PTPN12: variants seen among roughly 807,000 people sequenced by gnomAD.
PTPN12 encodes tyrosine-protein phosphatase non-receptor type 12.
In PTPN12, 29 loss-of-function variants were observed where a neutral mutation model predicts 97.6. The ratio of observed to expected loss-of-function variants is 0.30; its 90% CI spans 0.22 to 0.41. PTPN12 has a LOEUF of 0.41. PTPN12 is among the 10% of genes least tolerant of loss of function. PTPN12 has a pLI of 1.00. For synonymous variants in PTPN12, 327 were observed against 300.4 expected, an observed-to-expected ratio of 1.09 and a Z score of -0.91; for missense variants, 819 against 926.0, an observed-to-expected ratio of 0.88 and a Z score of 1.50.
chr7:77,537,722 G>T, intron 1 of PTPN12, 77 bp downstream of exon 1: 1 of 1,471,698 alleles, frequency 6.8e-7, no homozygotes, highest in Non-Finnish European at 9.1e-7. Context: ...CGGGCCGCCA[G>T]TGCTTTGTGT....
intron 12 of PTPN12, among the ~76,000 whole-genome samples, chr7:77,625,166 T>C (rs1295246591): frequency 6.6e-6 from 1 of 151,158 alleles, no homozygotes; most frequent in Non-Finnish European, 1.5e-5. Context: ...AACTTAAATA[T>C]ACAAGCCCTC....
intron 8 of PTPN12, chr7:77,604,819 C>G (rs1007182736): frequency 2.6e-6 from 1 of 383,764 alleles, no homozygotes; most frequent in Non-Finnish European, 5.3e-6. Context: ...TTTTATCCAC[C>G]TGGATTTTTT....
chr7:77,573,097 C>CAAAA lies in PTPN12; in HGVS notation c.208+1915_208+1918dup, dbSNP rs1383453267. On this transcript the variant is annotated intron_variant, in intron 2 of 17. Coordinates refer to ENST00000248594, the MANE Select transcript of PTPN12 (RefSeq NM_002835.4). ...GACTCTATCTCAAAAAAAAAAAAAA[C>CAAAA]AAAAAAACAAAAAAAACCAGTGTAC... Among the ~76,000 whole-genome samples, 32 of 48,516 alleles carry CAAAA rather than the reference C, an allele frequency of 6.6e-4. 3 individuals are homozygous for CAAAA. The East Asian group carries it at 8.1e-3, about 12-fold the overall frequency. 31.8% of individuals were successfully genotyped at this position (48,516 alleles called of 152,430 possible).
intron 9 of PTPN12, among the ~76,000 whole-genome samples, chr7:77,609,367 G>C (rs1322279652): frequency 6.7e-6 from 1 of 148,830 alleles, no homozygotes; most frequent in Admixed American, 6.7e-5. Context: ...TGACTCTCAG[G>C]TTCAAGCGAT....
At chr7:77,613,230 A>G (rs1314916109) in intron 11 of PTPN12, among the ~76,000 whole-genome samples, 1 of 120,134 alleles carries the variant, frequency 8.3e-6, no homozygotes, top group Non-Finnish European at 1.6e-5. Flanking sequence ...AATGGAGTGC[A>G]GTAGCACAGT....
intron 12 of PTPN12, among the ~76,000 whole-genome samples, chr7:77,623,823 A>G (rs772579400): frequency 6.6e-6 from 1 of 152,248 alleles, no homozygotes; most frequent in Non-Finnish European, 1.5e-5. Flanking sequence ...TCATCCTTTT[A>G]AAACTCATAT....
At chr7:77,589,037 C>G (rs1188814201) in intron 5 of PTPN12, among the ~76,000 whole-genome samples, 1 of 151,900 alleles carries the variant, frequency 6.6e-6, no homozygotes, top group Non-Finnish European at 1.5e-5. Flanking sequence ...CATGGCTCAG[C>G]TCATTTTTGT....
intron 14 of PTPN12, among the ~76,000 whole-genome samples, chr7:77,635,536 T>C (rs17382687): frequency 0.018 from 2,796 of 152,338 alleles, 34 homozygotes; most frequent in Middle Eastern, 0.071. Context: ...CTATAGACTG[T>C]AATACACTGA....
intron 8 of PTPN12, among the ~76,000 whole-genome samples, chr7:77,603,938 G>A (rs2151365455): frequency 7.2e-6 from 1 of 139,366 alleles, no homozygotes; most frequent in Non-Finnish European, 1.5e-5. Context: ...GCCCGGGCTG[G>A]AGTGCAATGG....
chr7:77,593,130 A>G (rs1787917453), intron 6 of PTPN12, among the ~76,000 whole-genome samples: 1 of 152,096 alleles, frequency 6.6e-6, no homozygotes, highest in Admixed American at 6.6e-5. Context: ...TTAGCTGGGT[A>G]TGGTGGTGGG....
At chr7:77,550,067 T>C (rs1418261102) in intron 1 of PTPN12, among the ~76,000 whole-genome samples, 1 of 152,220 alleles carries the variant, frequency 6.6e-6, no homozygotes. Flanking sequence ...TTCATTGTGT[T>C]TGCCTGGCTA....
intron 5 of PTPN12, 105 bp downstream of exon 5, chr7:77,585,686 T>C: frequency 1.1e-6 from 1 of 941,624 alleles, no homozygotes; most frequent in Non-Finnish European, 1.6e-6. Context: ...ATACTTCTTT[T>C]ATTTTGGGGT....
At chr7:77,539,805 G>C (rs117987065) in intron 1 of PTPN12, among the ~76,000 whole-genome samples, 2,996 of 151,778 alleles carry the variant, frequency 0.02, 43 homozygotes, top group Middle Eastern at 0.075. Context: ...ATTTTTGTCC[G>C]AAGTAGCCGG....
At chr7:77,551,528 A>G (rs1292921143) in intron 1 of PTPN12, among the ~76,000 whole-genome samples, 1 of 152,204 alleles carries the variant, frequency 6.6e-6, no homozygotes, top group East Asian at 1.9e-4. Context: ...GGTTCTCTTC[A>G]GTTAGGGCAA....
intron 3 of PTPN12, among the ~76,000 whole-genome samples, chr7:77,582,081 G>GTTTT (rs1237836254): frequency 8.1e-5 from 6 of 74,334 alleles, no homozygotes; most frequent in African/African-American, 2.5e-4. Context: ...AAGCAGTCAA[G>GTTTT]TTCTTTTTTT....
At chr7:77,538,203 A>C in intron 1 of PTPN12, 1 of 581,480 alleles carries the variant, frequency 1.7e-6, no homozygotes. Context: ...ATGATCTCCA[A>C]CGCTTGGGAA....
chr7:77,609,890 A>C (rs1788510204), intron 9 of PTPN12, among the ~76,000 whole-genome samples: 1 of 140,420 alleles, frequency 7.1e-6, no homozygotes, highest in African/African-American at 2.6e-5. Flanking sequence ...CAAAAAAAAA[A>C]CAACAAAAAA....
chr7:77,637,871 A>C (rs1789654439), intron 16 of PTPN12, among the ~76,000 whole-genome samples: 1 of 150,734 alleles, frequency 6.6e-6, no homozygotes, highest in Admixed American at 6.6e-5. Context: ...AAAAAAAAAA[A>C]AAAAACAAGT....
At chr7:77,569,361 A>G (rs983793720) in intron 1 of PTPN12, among the ~76,000 whole-genome samples, 2 of 152,186 alleles carry the variant, frequency 1.3e-5, no homozygotes, top group East Asian at 3.8e-4. Context: ...CTTACTATAT[A>G]TAAAAAGCTA....
Sources: gnomAD v4.1 joint callset for allele counts (sites outside exome capture counted in the v4.1 genomes callset) on GRCh38, gnomAD v4.1.1 for gene constraint, MANE v1.5 for transcripts, NCBI Gene and HGNC (gene_info 2026-07-23, HGNC 2026-07-21) for gene names.